Variants in TPX2 observed in about 807,000 individuals in gnomAD.
TPX2 encodes TPX2 microtubule nucleation factor.
In TPX2, 21 loss-of-function variants were observed where a neutral mutation model predicts 93.6. The observed-to-expected ratio is 0.22, with a 90% CI of 0.16 to 0.32. TPX2 has a LOEUF of 0.32. TPX2 is among the 10% of genes least tolerant of loss of function. The pLI is 1.00. For missense variants in TPX2, 776 were observed against 871.1 expected, an observed-to-expected ratio of 0.89 and a Z score of 1.37; for synonymous variants, 281 against 298.3, an observed-to-expected ratio of 0.94 and a Z score of 0.60.
chr20:31,761,314 GC>G, intron 4 of TPX2, among the ~76,000 whole-genome samples: 1 of 149,900 alleles, frequency 6.7e-6, no homozygotes, highest in East Asian at 2.0e-4. Flanking sequence ...TGATTCTCCT[GC>G]CTCAGCTGCC....
intron 2 of TPX2, among the ~76,000 whole-genome samples, chr20:31,749,373 C>T (rs1311538115): frequency 6.6e-6 from 1 of 152,164 alleles, no homozygotes; most frequent in Non-Finnish European, 1.5e-5. Context: ...TCTCTCTGTG[C>T]CTCAAGTCCC....
chr20:31,794,361 G>T, intron 14 of TPX2, 41 bp from the exon 15 acceptor site: 1 of 1,599,042 alleles, frequency 6.3e-7, no homozygotes, highest in Non-Finnish European at 8.5e-7. Flanking sequence ...TTGCTTTCCA[G>T]CTAGTCTTTA....
At chr20:31,779,581 A>G (rs2062021030) in intron 10 of TPX2, among the ~76,000 whole-genome samples, 1 of 152,250 alleles carries the variant, frequency 6.6e-6, no homozygotes, top group African/African-American at 2.4e-5. Context: ...TTAGATAAAC[A>G]GGTCACTACA....
chr20:31,769,415 T>C (rs1477530679), intron 5 of TPX2, among the ~76,000 whole-genome samples: 1 of 150,722 alleles, frequency 6.6e-6, no homozygotes, highest in African/African-American at 2.4e-5. Context: ...GCCTCCCGGG[T>C]TCACGCCATT....
At chr20:31,796,612 G>T (rs547389907) in intron 15 of TPX2, among the ~76,000 whole-genome samples, 2 of 151,750 alleles carry the variant, frequency 1.3e-5, no homozygotes, top group African/African-American at 4.8e-5. Context: ...TGCTGATTGC[G>T]TTCCCACACA....
At chr20:31,782,926 ACACAC>A (rs1242058473) in intron 11 of TPX2, among the ~76,000 whole-genome samples, 7 of 147,056 alleles carry the variant, frequency 4.8e-5, no homozygotes, top group East Asian at 3.9e-4. Context: ...ACACACACAC[ACACAC>A]AAAATCTAAT....
chr20:31,775,576 A>G (rs1008251807), intron 7 of TPX2, among the ~76,000 whole-genome samples: 1 of 151,660 alleles, frequency 6.6e-6, no homozygotes, highest in Admixed American at 6.6e-5. Flanking sequence ...GGATTTTACC[A>G]TGTTGGCCAG....
chr20:31,776,973 A>G (rs1403275953), intron 8 of TPX2, among the ~76,000 whole-genome samples: 2 of 152,306 alleles, frequency 1.3e-5, no homozygotes, highest in South Asian at 2.1e-4. Context: ...GTCAAATCCA[A>G]TTCACCTGTG....
chr20:31,743,226 T>C (rs2122937209), intron 2 of TPX2, among the ~76,000 whole-genome samples: 2 of 152,110 alleles, frequency 1.3e-5, no homozygotes, highest in South Asian at 4.2e-4. Flanking sequence ...AACAAAATTC[T>C]CAGATGCTCA....
intron 2 of TPX2, among the ~76,000 whole-genome samples, chr20:31,749,488 T>C (rs974121597): frequency 6.6e-6 from 1 of 152,168 alleles, no homozygotes; most frequent in Admixed American, 6.5e-5. Context: ...TGGCATGTCA[T>C]AAGTGCTCAT....
rs1429250507 is a variant in TPX2 at position 31,771,702 on chromosome 20, T to G, written c.608+20T>G. On this transcript the variant is annotated intron_variant, in intron 7 of 17. Transcript: ENST00000300403. ...TGCAAAGTAAGTTTCTTTCCTGAAT[T>G]TAAACTTTAGAATGAATGGTATAAA... 11 of 1,596,916 alleles carry G rather than the reference T, an allele frequency of 6.9e-6. No individual in the cohort carries two copies. The highest frequency in any genetic ancestry group is 8.5e-6 in the Non-Finnish European group (10 of 1,175,230).
chr20:31,764,308 C>A (rs1212237475), intron 4 of TPX2, among the ~76,000 whole-genome samples: 1 of 151,772 alleles, frequency 6.6e-6, no homozygotes, highest in Non-Finnish European at 1.5e-5. Flanking sequence ...TAGCTGGGAC[C>A]ACAGATGCCA....
chr20:31,786,053 T>A (rs2062063965), intron 12 of TPX2, among the ~76,000 whole-genome samples: 1 of 152,236 alleles, frequency 6.6e-6, no homozygotes, highest in African/African-American at 2.4e-5. Flanking sequence ...ATATAATGCT[T>A]ATTACATGCC....
At position 31,750,229 on chromosome 20, in the gene TPX2, C is replaced by G. The variant is rs546365763; in HGVS notation, c.-70-7178C>G. On this transcript the variant is annotated intron_variant, in intron 2 of 17. Transcript: ENST00000300403. ...CTGGAGTGCGATGGTGCGATCTTGG[C>G]TCACTGCAACCTCCACCCCCCAGGT... 7.2e-5 allele frequency among the ~76,000 whole-genome samples: 11 copies of G among 152,000 alleles called. No individual in the cohort carries two copies. The South Asian group carries it at 2.3e-3, about 32-fold the overall frequency.
At position 31,782,305 on chromosome 20, in the gene TPX2, G is replaced by A. The variant is rs781469578; in HGVS notation, c.1111G>A (p.Val371Ile). Reference sequence around the variant, plus strand: ...GATTTGCAGAGACCCACAGACTCCTGTACTGCAAACCAAACACCGTGCACG... The same window carrying A: ...GATTTGCAGAGACCCACAGACTCCTATACTGCAAACCAAACACCGTGCACG... ...TKICRDPQTP[V>I]LQTKHRARAV... Residue 371 changes from valine to isoleucine, a missense_variant, in exon 11 of 18, where the codon GTA (valine) becomes ATA (isoleucine). Val to Ile is a conservative substitution (Grantham distance 29, BLOSUM62 3). This residue lies in a region of TPX2 where 461 missense variants were observed against 551.2 expected (regional missense o/e 0.84). Coordinates refer to ENST00000300403, the MANE Select transcript of TPX2 (RefSeq NM_012112.5). The A allele has an allele frequency of 6.2e-7, 1 of 1,613,960 alleles. No individual in the cohort carries two copies. Among genetic ancestry groups the A allele is most frequent in the South Asian group, 1.1e-5 (1 of 90,998 alleles).
At chr20:31,740,615 CA>C (rs1485013423) in intron 1 of TPX2, among the ~76,000 whole-genome samples, 1 of 152,150 alleles carries the variant, frequency 6.6e-6, no homozygotes, top group African/African-American at 2.4e-5. Context: ...ATGATGTACT[CA>C]AACGTTTTTT....
rs777491713 is a variant in TPX2 at position 31,792,696 on chromosome 20, C to T, written c.1414-39C>T. On this transcript the variant is annotated intron_variant, in intron 12 of 17. Coordinates refer to ENST00000300403, the MANE Select transcript of TPX2 (RefSeq NM_012112.5). ...TCTTCTCATACAGCTTAGTGGAGAT[C>T]ATTTTGTGATATCTAATTGAGTTGC... The T allele has an allele frequency of 1.9e-6, 3 of 1,547,708 alleles. No individual in the cohort carries two copies. The South Asian group carries it at 3.3e-5, about 17-fold the overall frequency.
At chr20:31,744,376 TCTCAAACTCCTGAC>T (rs911127116) in intron 2 of TPX2, among the ~76,000 whole-genome samples, 1 of 151,704 alleles carries the variant, frequency 6.6e-6, no homozygotes, top group African/African-American at 2.4e-5. Context: ...GCCAGGCTGG[TCTCAAACTCCTGAC>T]CTCATGATCT....
chr20:31,798,240 TG>T, intron 16 of TPX2, 124 bp from the exon 17 acceptor site: 1 of 1,207,330 alleles, frequency 8.3e-7, no homozygotes, highest in Non-Finnish European at 1.2e-6. Flanking sequence ...TTTCTCCCAA[TG>T]GGGCTTGTTT....
Sources: allele counts gnomAD v4.1 joint callset (sites outside exome capture counted in the v4.1 genomes callset), GRCh38; gene constraint gnomAD v4.1.1; regional missense constraint gnomAD v4.1.1; transcripts MANE v1.5; gene names NCBI Gene and HGNC (gene_info 2026-07-23, HGNC 2026-07-21).